The following BCL2 variants were observed in gnomAD, a reference collection of about 807,000 sequenced individuals.
BCL2 encodes the protein apoptosis regulator Bcl-2.
BCL2 carries 1 observed loss-of-function variant against 14.2 expected under a neutral mutation model. The ratio of observed to expected loss-of-function variants is 0.07; its 90% CI spans 0.02 to 0.33. BCL2 has a LOEUF of 0.33. Ranked by LOEUF, BCL2 falls within the 10% of genes least tolerant of loss-of-function variation. The probability of loss-of-function intolerance (pLI) is 0.99; values close to 1 mark genes in which losing one functional copy is unlikely to be tolerated. For missense variants in BCL2, 247 were observed against 305.9 expected, an observed-to-expected ratio of 0.81 and a Z score of 1.44; for synonymous variants, 151 against 137.2, an observed-to-expected ratio of 1.10 and a Z score of -0.70.
At chr18:63,129,657 A>G (rs1914013150) in intron 2 of BCL2, among the ~76,000 whole-genome samples, 1 of 152,206 alleles carries the variant, frequency 6.6e-6, no homozygotes, top group South Asian at 2.1e-4. Flanking sequence ...CGCAGGGAAT[A>G]AGAGACTTTT....
chr18:63,159,949 A>G (rs1914878729), intron 2 of BCL2, among the ~76,000 whole-genome samples: 1 of 152,190 alleles, frequency 6.6e-6, no homozygotes, highest in Non-Finnish European at 1.5e-5. Flanking sequence ...CTGGTTTCCA[A>G]ACTCAACCCA....
At chr18:63,291,985 C>G (rs1912661335) in intron 2 of BCL2, among the ~76,000 whole-genome samples, 2 of 152,026 alleles carry the variant, frequency 1.3e-5, no homozygotes, top group Admixed American at 1.3e-4. Flanking sequence ...CAGTGCTGGG[C>G]TCACAGGAGA....
At chr18:63,187,986 G>A (rs1175399983) in intron 2 of BCL2, among the ~76,000 whole-genome samples, 2 of 152,158 alleles carry the variant, frequency 1.3e-5, no homozygotes, top group Non-Finnish European at 2.9e-5. Context: ...TAGGGCTGGC[G>A]TTCAGACCAT....
chr18:63,131,894 G>A (rs1914078178), intron 2 of BCL2, among the ~76,000 whole-genome samples: 1 of 152,190 alleles, frequency 6.6e-6, no homozygotes, highest in Non-Finnish European at 1.5e-5. Flanking sequence ...ACACAGTGCT[G>A]GAGAGCAGAA....
intron 2 of BCL2, among the ~76,000 whole-genome samples, chr18:63,271,969 G>A (rs1340300176): frequency 6.6e-6 from 1 of 152,152 alleles, no homozygotes; most frequent in Non-Finnish European, 1.5e-5. Flanking sequence ...TTGCTCAAAG[G>A]CAAACTGGAG....
intron 2 of BCL2, among the ~76,000 whole-genome samples, chr18:63,184,212 C>T (rs930431411): frequency 6.6e-6 from 1 of 152,184 alleles, no homozygotes; most frequent in South Asian, 2.1e-4. Context: ...TGGGAATGCA[C>T]GTGTGGGCTC....
At chr18:63,259,875 T>C (rs985941953) in intron 2 of BCL2, among the ~76,000 whole-genome samples, 4 of 152,248 alleles carry the variant, frequency 2.6e-5, no homozygotes, top group African/African-American at 7.2e-5. Context: ...CAGACCCTCA[T>C]ACAGAAGAGA....
intron 2 of BCL2, among the ~76,000 whole-genome samples, chr18:63,197,981 A>G (rs1909495348): frequency 6.6e-6 from 1 of 152,194 alleles, no homozygotes; most frequent in South Asian, 2.1e-4. Context: ...ATATTGTATC[A>G]TAAGGTGGAT....
At chr18:63,216,157 C>T (rs1390094957) in intron 2 of BCL2, among the ~76,000 whole-genome samples, 1 of 151,700 alleles carries the variant, frequency 6.6e-6, no homozygotes, top group Non-Finnish European at 1.5e-5. Flanking sequence ...CTTCTGTTTG[C>T]TTTTCTCTAT....
At chr18:63,141,264 C>T (rs1011833316) in intron 2 of BCL2, among the ~76,000 whole-genome samples, 1 of 152,180 alleles carries the variant, frequency 6.6e-6, no homozygotes, top group African/African-American at 2.4e-5. Context: ...TCTGTTGGTG[C>T]GTGCCAGAGC....
chr18:63,154,085 G>C (rs1199298785), intron 2 of BCL2, among the ~76,000 whole-genome samples: 5 of 152,140 alleles, frequency 3.3e-5, no homozygotes, highest in African/African-American at 1.2e-4. Flanking sequence ...AAAGGGAACT[G>C]ATTACACCTT....
At position 63,295,332 on chromosome 18, in the gene BCL2, A is replaced by G. The variant is rs147319390; in HGVS notation, c.585+22750T>C. Among the ~76,000 whole-genome samples, 165 of 152,258 alleles carry G rather than the reference A, an allele frequency of 1.1e-3. 3 individuals carry two copies. Among genetic ancestry groups the G allele is most frequent in the Middle Eastern group, 0.01 (3 of 294 alleles). On this transcript the variant is annotated intron_variant, in intron 2 of 2. Transcript: ENST00000333681. ...TAGTTGCAAAGAAATCCTAGACCCA[A>G]CTTGTGTCTGTCAAGGGCCAAGTGA...
intron 2 of BCL2, among the ~76,000 whole-genome samples, chr18:63,286,374 G>A (rs1568258363): frequency 1.3e-5 from 2 of 152,316 alleles, no homozygotes; most frequent in East Asian, 3.9e-4. Context: ...GAAAATGGAT[G>A]TAGACACAAA....
At chr18:63,174,089 T>C (rs1215133473) in intron 2 of BCL2, among the ~76,000 whole-genome samples, 1 of 152,176 alleles carries the variant, frequency 6.6e-6, no homozygotes, top group African/African-American at 2.4e-5. Context: ...CACACACACA[T>C]CTATAATACT....
chr18:63,298,971 G>A (rs1021566062), intron 2 of BCL2, among the ~76,000 whole-genome samples: 1 of 152,124 alleles, frequency 6.6e-6, no homozygotes, highest in Non-Finnish European at 1.5e-5. Flanking sequence ...CTCCAAAACC[G>A]CCTGGGTTCA....
chr18:63,287,774 A>T (rs116860045), intron 2 of BCL2, among the ~76,000 whole-genome samples: 2,479 of 152,338 alleles, frequency 0.016, 21 homozygotes, highest in Admixed American at 0.034. Flanking sequence ...AAATAATTTT[A>T]AAAACCTAAA....
chr18:63,307,079 A>C (rs940823382), intron 2 of BCL2, among the ~76,000 whole-genome samples: 9 of 152,078 alleles, frequency 5.9e-5, no homozygotes, highest in African/African-American at 2.2e-4. Context: ...TGTCTGCTTT[A>C]ATCATGTGAC....
chr18:63,274,686 T>G (rs1206472473), intron 2 of BCL2, among the ~76,000 whole-genome samples: 1 of 152,130 alleles, frequency 6.6e-6, no homozygotes, highest in Non-Finnish European at 1.5e-5. Context: ...CAAACGGAAC[T>G]GCAGGGCAAC....
At chr18:63,212,646 G>A (rs1252515623) in intron 2 of BCL2, among the ~76,000 whole-genome samples, 2 of 152,136 alleles carry the variant, frequency 1.3e-5, no homozygotes, top group Non-Finnish European at 2.9e-5. Flanking sequence ...GGAGATCCAG[G>A]CGGGCGGATC....
Sources: allele counts gnomAD v4.1 joint callset (sites outside exome capture counted in the v4.1 genomes callset), GRCh38; gene constraint gnomAD v4.1.1; transcripts MANE v1.5; gene names NCBI Gene and HGNC (gene_info 2026-07-23, HGNC 2026-07-21).